Variants in KCTD3 observed in about 807,000 individuals in gnomAD.
KCTD3 encodes potassium channel tetramerization domain containing 3.
In KCTD3, 41 loss-of-function variants were observed where a neutral mutation model predicts 85.8. The observed-to-expected ratio is 0.48, with a 90% CI of 0.37 to 0.62. KCTD3 has a LOEUF of 0.62. KCTD3 is among the 20% of genes least tolerant of loss of function. KCTD3 has a pLI of 0.00. For synonymous variants in KCTD3, 338 were observed against 345.4 expected, an observed-to-expected ratio of 0.98 and a Z score of 0.24; for missense variants, 724 against 989.9, an observed-to-expected ratio of 0.73 and a Z score of 3.60.
At chr1:215,578,140 C>A in intron 6 of KCTD3, 59 bp downstream of exon 6, 1 of 1,388,778 alleles carries the variant, frequency 7.2e-7, no homozygotes, top group Non-Finnish European at 1.0e-6. Context: ...CAAGTACAAG[C>A]ATATGAATAG....
chr1:215,569,178 G>A (rs1210890028), intron 1 of KCTD3, among the ~76,000 whole-genome samples: 2 of 149,296 alleles, frequency 1.3e-5, no homozygotes, highest in African/African-American at 2.5e-5. Context: ...CTGGAGTGCA[G>A]TGGCGCGATC....
chr1:215,576,063 GTTTT>G (rs1169452803), intron 4 of KCTD3, 89 bp downstream of exon 4: 8 of 617,734 alleles, frequency 1.3e-5, no homozygotes, highest in Non-Finnish European at 1.9e-5. Flanking sequence ...TTTTTTGTTT[GTTTT>G]TTTTTTTCCT....
intron 5 of KCTD3, 82 bp downstream of exon 5, chr1:215,577,810 T>G: frequency 7.8e-7 from 1 of 1,281,634 alleles, no homozygotes; most frequent in South Asian, 1.2e-5. Flanking sequence ...TTATATCAGG[T>G]CCTAATTTTT....
chr1:215,611,665 T>C (rs995972558), intron 14 of KCTD3, among the ~76,000 whole-genome samples, 160 bp from the exon 15 acceptor site: 4 of 152,056 alleles, frequency 2.6e-5, no homozygotes, highest in Non-Finnish European at 5.9e-5. Flanking sequence ...ATTGAAGTAC[T>C]TGTATACATT....
At chr1:215,594,160 G>A (rs1021643586) in intron 9 of KCTD3, among the ~76,000 whole-genome samples, 3 of 152,012 alleles carry the variant, frequency 2.0e-5, no homozygotes, top group Admixed American at 1.3e-4. Flanking sequence ...ATGCCCGGCC[G>A]ATTATAACAT....
intron 8 of KCTD3, among the ~76,000 whole-genome samples, chr1:215,585,431 GA>G (rs1440122240): frequency 6.6e-6 from 1 of 152,116 alleles, no homozygotes; most frequent in East Asian, 1.9e-4. Flanking sequence ...ATATTTAAGG[GA>G]AAATGAAGTT....
intron 13 of KCTD3, among the ~76,000 whole-genome samples, chr1:215,605,587 C>G (rs1654987467): frequency 6.6e-6 from 1 of 152,094 alleles, no homozygotes; most frequent in East Asian, 1.9e-4. Flanking sequence ...AGTTCCAAAC[C>G]CTGTATATCC....
At chr1:215,596,561 G>A (rs1385687403) in intron 10 of KCTD3, among the ~76,000 whole-genome samples, 3 of 152,114 alleles carry the variant, frequency 2.0e-5, no homozygotes, top group African/African-American at 7.2e-5. Context: ...ATGGAGAAAT[G>A]ACATTAATTT....
chr1:215,609,580 A>G (rs1227941217), intron 14 of KCTD3, among the ~76,000 whole-genome samples: 1 of 151,968 alleles, frequency 6.6e-6, no homozygotes, highest in Non-Finnish European at 1.5e-5. Context: ...AGAAGACTTG[A>G]CAGTGAAGAC....
At position 215,582,915 on chromosome 1, in the gene KCTD3, T is replaced by C. The variant is rs140696602; in HGVS notation, c.626+2916T>C. Among the ~76,000 whole-genome samples, 219 of 152,326 alleles carry C rather than the reference T, an allele frequency of 1.4e-3. 1 individual carries two copies. Among genetic ancestry groups the C allele is most frequent in the African/African-American group, 5.0e-3 (209 of 41,578 alleles). ...TGTATGGAAAGTTATAGAGCAAATA[T>C]GTACCTTCTTTGTAATTTTTTAAAA... On this transcript the variant is annotated intron_variant, in intron 8 of 17. Coordinates refer to ENST00000259154, the MANE Select transcript of KCTD3 (RefSeq NM_016121.5).
intron 1 of KCTD3, among the ~76,000 whole-genome samples, chr1:215,571,877 C>T (rs958364871): frequency 2.0e-5 from 3 of 152,186 alleles, no homozygotes; most frequent in Admixed American, 6.5e-5. Flanking sequence ...GTGATCTGCC[C>T]GCCTCGGCCT....
intron 13 of KCTD3, among the ~76,000 whole-genome samples, chr1:215,606,413 C>T (rs1571895054): frequency 2.0e-5 from 3 of 152,138 alleles, no homozygotes; most frequent in Admixed American, 2.0e-4. Context: ...CTAGAAAATT[C>T]TCCAATAGCA....
chr1:215,567,380 G>A lies in KCTD3; in HGVS notation c.-306G>A. On this transcript the variant is annotated 5_prime_UTR_variant, in exon 1 of 18. Transcript: ENST00000259154. Reference sequence around the variant, plus strand: ...GAACGGTGACCCCTCCTCCCAGGCAGGCTGCGGCGGCGTCGGTGGCAGCGG... The same window carrying A: ...GAACGGTGACCCCTCCTCCCAGGCAAGCTGCGGCGGCGTCGGTGGCAGCGG... 5.1e-6 allele frequency: 1 copy of A among 197,454 alleles called. No individual in the cohort carries two copies. Among genetic ancestry groups the A allele is most frequent in the Non-Finnish European group, 1.0e-5 (1 of 98,718 alleles). The allele number at this position is 197,454 out of a possible 1,614,324, so 12.2% of individuals were successfully genotyped here. A position where few individuals can be genotyped will look rare whatever the true frequency, so the allele number is the denominator to read the frequency against.
At chr1:215,573,672 C>A in intron 1 of KCTD3, 114 bp from the exon 2 acceptor site, 1 of 639,570 alleles carries the variant, frequency 1.6e-6, no homozygotes, top group East Asian at 2.7e-5. Context: ...ATTGGTACAG[C>A]TATAACTATA....
intron 13 of KCTD3, 76 bp from the exon 14 acceptor site, chr1:215,607,941 T>C (rs1446354814): frequency 2.6e-6 from 3 of 1,168,342 alleles, no homozygotes; most frequent in East Asian, 2.5e-5. Context: ...CTGTGTAATA[T>C]AGATGATAGT....
chr1:215,591,390 ACT>A (rs887277364), intron 9 of KCTD3, among the ~76,000 whole-genome samples: 1 of 137,596 alleles, frequency 7.3e-6, no homozygotes, highest in African/African-American at 2.8e-5. Context: ...ACAGAATCTC[ACT>A]CTGTCTCCAG....
At chr1:215,596,453 T>C (rs766083928) in intron 10 of KCTD3, among the ~76,000 whole-genome samples, 2 of 152,134 alleles carry the variant, frequency 1.3e-5, no homozygotes, top group Non-Finnish European at 2.9e-5. Context: ...TGAGTGGGTA[T>C]ATAGAAAGAA....
intron 10 of KCTD3, among the ~76,000 whole-genome samples, chr1:215,598,029 A>G (rs1053140701): frequency 6.6e-6 from 1 of 152,024 alleles, no homozygotes; most frequent in African/African-American, 2.4e-5. Context: ...ACTAGATACA[A>G]ATATTGAAAC....
rs933938609 is a variant in KCTD3 at position 215,579,038 on chromosome 1, G to A, written c.436G>A (p.Ala146Thr). The change falls in exon 7 of 18, where the codon GCT (alanine) becomes ACT (threonine). Residue 146 changes from alanine to threonine, a missense_variant. Ala to Thr is a moderately conservative substitution (Grantham distance 58). Transcript: ENST00000259154. ...TAAAATAAACAACACAGTCAGATCT[G>A]CTGATTCTAGGAATGGTCTAAATTC... ...SRKINNTVRS[A>T]DSRNGLNSTE... 6.4e-7 allele frequency: 1 copy of A among 1,573,970 alleles called. No homozygotes were observed. Among genetic ancestry groups the A allele is most frequent in the Non-Finnish European group, 8.6e-7 (1 of 1,164,626 alleles).
Sources: allele counts gnomAD v4.1 joint callset (sites outside exome capture counted in the v4.1 genomes callset), GRCh38; gene constraint gnomAD v4.1.1; transcripts MANE v1.5; gene names NCBI Gene and HGNC (gene_info 2026-07-23, HGNC 2026-07-21).